TUT4: variants seen among roughly 807,000 people sequenced by gnomAD.
TUT4 encodes terminal uridylyl transferase 4.
TUT4 carries 36 observed loss-of-function variants against 192.2 expected under a neutral mutation model. The ratio of observed to expected loss-of-function variants is 0.19; its 90% CI spans 0.14 to 0.25. The LOEUF (loss-of-function observed/expected upper bound fraction) is 0.25. Ranked by LOEUF, TUT4 falls within the 10% of genes least tolerant of loss-of-function variation. The pLI is 1.00. For synonymous variants in TUT4, 618 were observed against 666.0 expected (o/e 0.93, Z 1.11); for missense variants, 1,493 against 1,957.2 (o/e 0.76, Z 4.47).
At chr1:52,476,685 AT>A (rs1239323288) in intron 12 of TUT4, among the ~76,000 whole-genome samples, 1 of 152,194 alleles carries the variant, frequency 6.6e-6, no homozygotes, top group East Asian at 1.9e-4. Flanking sequence ...GAGATAAATT[AT>A]GGCTGGCAGG....
intron 14 of TUT4, among the ~76,000 whole-genome samples, chr1:52,470,356 A>C (rs1384301343): frequency 6.6e-6 from 1 of 152,194 alleles, no homozygotes; most frequent in African/African-American, 2.4e-5. Flanking sequence ...ATAAATTACT[A>C]AGTAAAAATA....
intron 2 of TUT4, among the ~76,000 whole-genome samples, chr1:52,521,991 T>C (rs1254626187): frequency 1.3e-5 from 2 of 152,016 alleles, no homozygotes; most frequent in African/African-American, 2.4e-5. Context: ...GATCTAGATA[T>C]AAAGGTTTTA....
chr1:52,482,321 G>A (rs1047751916), intron 9 of TUT4, among the ~76,000 whole-genome samples: 3 of 152,214 alleles, frequency 2.0e-5, no homozygotes, highest in Admixed American at 1.3e-4. Context: ...ATAGGGAGAA[G>A]TTTAAGTTTT....
At position 52,525,722 on chromosome 1, in the gene TUT4, A is replaced by C. The variant is rs1410106535; in HGVS notation, c.559T>G (p.Ser187Ala). 3 of 1,614,010 alleles carry C rather than the reference A, an allele frequency of 1.9e-6. No individual in the cohort carries two copies. In the African/African-American group the frequency reaches 4.0e-5, roughly 22 times the overall value. The change falls in exon 2 of 30, where the codon TCC (serine) becomes GCC (alanine). Residue 187 changes from serine to alanine, a missense_variant. Transcript: ENST00000257177. ...TTCACTTTGTCCACAGAAGTAAAGG[A>C]GCTTGGAATTTTTTTTCCAATCTGT... The part of the protein sequence containing the change: ...LQQIGKKIPS[S>A]FTSVDKVNIE...
intron 16 of TUT4, chr1:52,462,933 A>G (rs1394008743): frequency 1.0e-6 from 1 of 985,334 alleles, no homozygotes; most frequent in African/African-American, 1.7e-5. Context: ...TTTTTCCAAC[A>G]TGTTCTTTTT....
intron 16 of TUT4, among the ~76,000 whole-genome samples, chr1:52,464,444 C>T (rs184136441): frequency 7.0e-4 from 106 of 152,020 alleles, no homozygotes; most frequent in African/African-American, 2.5e-3. Flanking sequence ...TTCGTAGAGA[C>T]GGGGTTTCAC....
rs1291580559 is a variant in TUT4 at position 52,481,459 on chromosome 1, GTCTGTT to G, written c.1806_1811del (p.Glu602_Thr603del). The G allele has an allele frequency of 1.2e-6, 2 of 1,613,846 alleles. No homozygotes were observed. The highest frequency in any genetic ancestry group is 1.3e-5 in the African/African-American group (1 of 74,910). Reference sequence around the variant, plus strand: ...TTTCCTTCATGGCATTACTTTGGTTGTCTGTTTCTGTCTTCTTGGTATCATCTTTTG... The same window carrying G: ...TTTCCTTCATGGCATTACTTTGGTTGTCTGTCTTCTTGGTATCATCTTTTG... On this transcript the variant is annotated inframe_deletion, in exon 11 of 30. Transcript: ENST00000257177.
At chr1:52,443,685 C>T (rs1199753454) in intron 24 of TUT4, among the ~76,000 whole-genome samples, 2 of 152,012 alleles carry the variant, frequency 1.3e-5, no homozygotes, top group Non-Finnish European at 2.9e-5. Flanking sequence ...ATCACTTGAG[C>T]CTAGGTGTCC....
At chr1:52,430,388 G>T (rs867473369) in intron 28 of TUT4, among the ~76,000 whole-genome samples, 11 of 152,068 alleles carry the variant, frequency 7.2e-5, no homozygotes, top group African/African-American at 2.4e-4. Context: ...GTTCAAGCGA[G>T]CCTCCTGCCT....
In TUT4 at chr1:52,474,774, A is replaced by G. The variant is rs1666669467; in HGVS notation, c.2727+58T>C. 22 of 1,390,588 alleles carry G rather than the reference A, an allele frequency of 1.6e-5. No homozygotes were observed. In the South Asian group the frequency reaches 3.1e-4, roughly 20 times the overall value. The allele number at this position is 1,390,588 out of a possible 1,614,324, so 86.1% of individuals were successfully genotyped here. A position where few individuals can be genotyped will look rare whatever the true frequency, so the allele number is the denominator to read the frequency against. Reference sequence around the variant, plus strand: ...TTTTTACATTTCTAATCTAAAAAATATACATAGTCATACAACAACCACAAA... The same window carrying G: ...TTTTTACATTTCTAATCTAAAAAATGTACATAGTCATACAACAACCACAAA... On this transcript the variant is annotated intron_variant, in intron 13 of 29. Transcript: ENST00000257177.
chr1:52,551,182 T>A (rs1179488561), intron 1 of TUT4, among the ~76,000 whole-genome samples: 3 of 152,236 alleles, frequency 2.0e-5, no homozygotes, highest in Admixed American at 2.0e-4. Context: ...CTTATATGCA[T>A]GACAATATTT....
In TUT4 at chr1:52,431,177, G is replaced by A. The variant is rs1253049053; in HGVS notation, c.4547C>T (p.Ala1516Val). ...WPIHGPVIHS[A>V]PGSAPSNIGL... ...AATATTGCTGGGGGCACTGCCTGGT[G>A]CAGAGTGGATCACTGGGCCATGGAT... The change falls in exon 28 of 30, where the codon GCA (alanine) becomes GTA (valine). Residue 1516 changes from alanine (A) to valine (V), a missense_variant. Physicochemically the swap from Ala to Val is moderately conservative, Grantham distance 64. Around this residue, in one of 7 missense-constraint regions of TUT4, gnomAD observed 351 missense variants for 397.8 expected, o/e 0.88. Transcript: ENST00000257177. The A allele has an allele frequency of 1.2e-6, 2 of 1,614,106 alleles. No homozygotes were observed. The highest frequency in any genetic ancestry group is 1.7e-6 in the Non-Finnish European group (2 of 1,180,040).
At chr1:52,488,088 A>G (rs1029951581) in intron 9 of TUT4, among the ~76,000 whole-genome samples, 3 of 152,174 alleles carry the variant, frequency 2.0e-5, no homozygotes, top group Non-Finnish European at 4.4e-5. Flanking sequence ...AGGCTTTCTG[A>G]CTGTTTCGTA....
At chr1:52,449,236 T>C (rs953182932) in intron 20 of TUT4, among the ~76,000 whole-genome samples, 5 of 152,218 alleles carry the variant, frequency 3.3e-5, no homozygotes, top group African/African-American at 1.2e-4. Context: ...ATGTAAAGAA[T>C]GACCCTAAAC....
At chr1:52,536,611 G>C (rs1446520190) in intron 1 of TUT4, among the ~76,000 whole-genome samples, 1 of 152,118 alleles carries the variant, frequency 6.6e-6, no homozygotes, top group Admixed American at 6.5e-5. Context: ...CCAGCACTTT[G>C]GGAGGCCGAG....
chr1:52,487,239 A>G (rs191744652), intron 9 of TUT4, among the ~76,000 whole-genome samples: 1 of 152,192 alleles, frequency 6.6e-6, no homozygotes, highest in African/African-American at 2.4e-5. Flanking sequence ...TGAGCCCTGT[A>G]GTTGAAGACC....
chr1:52,510,317 C>CATAAAA (rs1676783544), intron 3 of TUT4, among the ~76,000 whole-genome samples: 1 of 78,630 alleles, frequency 1.3e-5, no homozygotes, highest in African/African-American at 4.5e-5. Context: ...TTCGTATTAA[C>CATAAAA]AAAAAAAAAA....
intron 2 of TUT4, among the ~76,000 whole-genome samples, chr1:52,521,860 G>T (rs1680372187): frequency 6.6e-6 from 1 of 152,092 alleles, no homozygotes. Flanking sequence ...AGCTACTCAG[G>T]AGGCTGAGGC....
chr1:52,445,018 TG>T (rs1657095513), intron 24 of TUT4, among the ~76,000 whole-genome samples: 2 of 130,036 alleles, frequency 1.5e-5, no homozygotes, highest in East Asian at 4.1e-4. Context: ...TGTATATATA[TG>T]TATATATGTG....
Sources: allele counts gnomAD v4.1 joint callset (sites outside exome capture counted in the v4.1 genomes callset), GRCh38; gene constraint gnomAD v4.1.1; regional missense constraint gnomAD v4.1.1; transcripts MANE v1.5; gene names NCBI Gene and HGNC (gene_info 2026-07-23, HGNC 2026-07-21).